Variants in SPON1 observed in about 807,000 individuals in gnomAD.
The protein encoded by SPON1 is spondin 1, also known as spondin-1.
SPON1 carries 52 observed loss-of-function variants against 111.7 expected under a neutral mutation model. The ratio of observed to expected loss-of-function variants is 0.47; its 90% CI spans 0.37 to 0.59. The LOEUF (loss-of-function observed/expected upper bound fraction) is 0.59. Ranked by LOEUF, SPON1 falls within the 20% of genes least tolerant of loss-of-function variation. The pLI is 0.00. For synonymous variants in SPON1, 410 were observed against 395.8 expected, an observed-to-expected ratio of 1.04 and a Z score of -0.43; for missense variants, 957 against 1,068.5, an observed-to-expected ratio of 0.90 and a Z score of 1.46.
chr11:14,135,631 A>G lies in SPON1; in HGVS notation c.825+63A>G, dbSNP rs1424267622. On this transcript the variant is annotated intron_variant, in intron 6 of 15. Coordinates refer to ENST00000576479, the MANE Select transcript of SPON1 (RefSeq NM_006108.4). This position sits in a 1 kb window ranked among gnomAD's most constrained non-coding sequence, Gnocchi z 4.4. ...AATGCAGTCAAAGCACTCCTTAGATATCTTTCCCAGGGGCTTGAAATTTGC... is the reference window on the plus strand; with the variant it reads ...AATGCAGTCAAAGCACTCCTTAGATGTCTTTCCCAGGGGCTTGAAATTTGC... 3.9e-6 allele frequency: 6 copies of G among 1,539,672 alleles called. No individual in the cohort carries two copies. Among genetic ancestry groups the G allele is most frequent in the Non-Finnish European group, 5.3e-6 (6 of 1,123,844 alleles).
At chr11:13,996,738 T>G (rs1473733768) in intron 2 of SPON1, among the ~76,000 whole-genome samples, 3 of 150,980 alleles carry the variant, frequency 2.0e-5, no homozygotes, top group Non-Finnish European at 2.9e-5. Flanking sequence ...CACACACCTA[T>G]ATATATAATT....
intron 6 of SPON1, among the ~76,000 whole-genome samples, chr11:14,219,048 C>G (rs1432711046): frequency 6.6e-6 from 1 of 152,096 alleles, no homozygotes; most frequent in Non-Finnish European, 1.5e-5. Flanking sequence ...ATTTATTATT[C>G]CTGCCTTCCA....
At chr11:13,970,888 A>G (rs1848058236) in intron 1 of SPON1, among the ~76,000 whole-genome samples, 1 of 152,260 alleles carries the variant, frequency 6.6e-6, no homozygotes, top group Admixed American at 6.5e-5. Context: ...TCCTACAGCT[A>G]GAATACAAGC....
At chr11:13,973,132 T>G (rs1282892880) in intron 1 of SPON1, among the ~76,000 whole-genome samples, 2 of 152,196 alleles carry the variant, frequency 1.3e-5, no homozygotes, top group Non-Finnish European at 2.9e-5. Context: ...GAAAATCCTC[T>G]TAGCTCATCC....
intron 6 of SPON1, among the ~76,000 whole-genome samples, chr11:14,201,222 C>T (rs1426092610): frequency 6.6e-6 from 1 of 151,840 alleles, no homozygotes; most frequent in African/African-American, 2.4e-5. Flanking sequence ...CACCTGTAGT[C>T]CCAGCTACTT....
chr11:14,039,268 T>C (rs1848615941), intron 2 of SPON1, among the ~76,000 whole-genome samples: 1 of 152,224 alleles, frequency 6.6e-6, no homozygotes, highest in African/African-American at 2.4e-5. Flanking sequence ...TACATCTCAT[T>C]ATACATTTGT....
At chr11:14,094,025 A>G (rs1174773729) in intron 5 of SPON1, among the ~76,000 whole-genome samples, 2 of 152,282 alleles carry the variant, frequency 1.3e-5, no homozygotes, top group East Asian at 3.9e-4. Context: ...CAGCCTAGCC[A>G]ACATGGTGAA....
intron 6 of SPON1, among the ~76,000 whole-genome samples, chr11:14,192,254 T>G (rs1044913755): frequency 6.6e-6 from 1 of 151,188 alleles, no homozygotes; most frequent in South Asian, 2.1e-4. Context: ...GGGATATATA[T>G]ATATATATAT....
At position 13,991,474 on chromosome 11, in the gene SPON1, T is replaced by C. The variant is rs112190296; in HGVS notation, c.345+8521T>C. ...ACTGGTTATTCTAGTCAGCAATTCA[T>C]CTAACCTTTTTTCAAGGTTCTTAGC... On this transcript the variant is annotated intron_variant, in intron 2 of 15. Transcript: ENST00000576479. 7.9e-5 allele frequency among the ~76,000 whole-genome samples: 12 copies of C among 152,312 alleles called. 1 individual carries two copies. Among genetic ancestry groups the C allele is most frequent in the African/African-American group, 2.9e-4 (12 of 41,554 alleles).
At chr11:14,134,606 G>T (rs1321667660) in intron 5 of SPON1, among the ~76,000 whole-genome samples, 1 of 152,186 alleles carries the variant, frequency 6.6e-6, no homozygotes, top group African/African-American at 2.4e-5. Context: ...GTACATAGAA[G>T]TCAGCTGAAA....
rs533987478 is a variant in SPON1, at chr11:13,991,681, T to C, written c.345+8728T>C. On this transcript the variant is annotated intron_variant, in intron 2 of 15. Transcript: ENST00000576479. ...ATTCTGATTTTTGGAATTTTCAAAC[T>C]TTTTTTGCTGGCTTATCCACATCTT... Among the ~76,000 whole-genome samples the C allele has an allele frequency of 6.5e-4, 99 of 152,296 alleles. 1 individual carries two copies. The highest frequency in any genetic ancestry group is 2.2e-3 in the African/African-American group (93 of 41,544).
intron 3 of SPON1, among the ~76,000 whole-genome samples, chr11:14,058,597 T>C (rs1485155527): frequency 6.6e-6 from 1 of 152,134 alleles, no homozygotes; most frequent in African/African-American, 2.4e-5. Flanking sequence ...AGGAGGACTG[T>C]GATTGGGGCG....
At chr11:14,048,350 A>G (rs1285122892) in intron 3 of SPON1, among the ~76,000 whole-genome samples, 1 of 152,196 alleles carries the variant, frequency 6.6e-6, no homozygotes, top group Admixed American at 6.5e-5. Context: ...AAAAAGGAGC[A>G]TTTGTGTTGT....
At chr11:14,203,438 T>C (rs1314670122) in intron 6 of SPON1, among the ~76,000 whole-genome samples, 1 of 152,168 alleles carries the variant, frequency 6.6e-6, no homozygotes, top group Non-Finnish European at 1.5e-5. Context: ...TTGAAAGACA[T>C]CTTCATATTT....
intron 2 of SPON1, among the ~76,000 whole-genome samples, chr11:14,004,148 C>T (rs1848341147): frequency 6.6e-6 from 1 of 152,064 alleles, no homozygotes; most frequent in Admixed American, 6.6e-5. Context: ...TTCCATTACA[C>T]ACACAGACAC....
At chr11:13,964,802 G>A (rs1242810563) in intron 1 of SPON1, among the ~76,000 whole-genome samples, 2 of 152,154 alleles carry the variant, frequency 1.3e-5, no homozygotes, top group Admixed American at 6.5e-5. Flanking sequence ...GCAGGGAAGC[G>A]GGTATGACTT....
intron 2 of SPON1, among the ~76,000 whole-genome samples, chr11:13,996,724 T>TAC (rs1554911835): frequency 3.9e-5 from 6 of 152,036 alleles, no homozygotes; most frequent in East Asian, 1.9e-4. Flanking sequence ...TATATATATA[T>TAC]ACACACACAC....
At chr11:14,249,782 G>A (rs185704923) in intron 7 of SPON1, among the ~76,000 whole-genome samples, 177 of 152,242 alleles carry the variant, frequency 1.2e-3, no homozygotes, top group Non-Finnish European at 2.2e-3. Flanking sequence ...CCTCTACCAA[G>A]CCCTGTTATG....
chr11:14,001,435 A>G (rs1169424055), intron 2 of SPON1, among the ~76,000 whole-genome samples: 1 of 152,212 alleles, frequency 6.6e-6, no homozygotes, highest in African/African-American at 2.4e-5. Flanking sequence ...GTCTGCCCTC[A>G]AGGAAACTAC....
Sources: allele counts gnomAD v4.1 joint callset (sites outside exome capture counted in the v4.1 genomes callset), GRCh38; gene constraint gnomAD v4.1.1; non-coding constraint Gnocchi (gnomAD v3.1); transcripts MANE v1.5; gene names NCBI Gene and HGNC (gene_info 2026-07-23, HGNC 2026-07-21).